The following GSE1 variants were observed in gnomAD, a reference collection of about 807,000 sequenced individuals.
The protein encoded by GSE1 is genetic suppressor element 1.
In GSE1, 32 loss-of-function variants were observed where a neutral mutation model predicts 112.6. The ratio of observed to expected loss-of-function variants is 0.28; its 90% CI spans 0.21 to 0.38. The LOEUF (loss-of-function observed/expected upper bound fraction) is 0.38. Ranked by LOEUF, GSE1 falls within the 10% of genes least tolerant of loss-of-function variation. The pLI is 1.00. For missense variants in GSE1, 2,348 were observed against 1,699.2 expected (o/e 1.38, Z -6.71); for synonymous variants, 1,115 against 735.6 (o/e 1.52, Z -8.35).
chr16:85,338,278 G>T (rs2046548140), intron 1 of GSE1, among the ~76,000 whole-genome samples: 1 of 152,238 alleles, frequency 6.6e-6, no homozygotes, highest in African/African-American at 2.4e-5. Context: ...ACCTCTGGGT[G>T]CATTCAGCTG....
intron 1 of GSE1, among the ~76,000 whole-genome samples, chr16:85,262,115 G>C (rs1464277283): frequency 6.6e-6 from 1 of 152,128 alleles, no homozygotes; most frequent in African/African-American, 2.4e-5. Context: ...CTCCCCGGCG[G>C]GTGCTTGGAA....
rs559273027 is a variant in GSE1 at position 85,600,561 on chromosome 16, A to AC, written c.37+44198_37+44199insC. On this transcript the variant is annotated intron_variant, in intron 1 of 2. Transcript: ENST00000635906. ...AAGATCATTTGGGAGCCTTGTTAAAAAACACACACACACACACACACCCCA... is the reference window on the plus strand; with the variant it reads ...AAGATCATTTGGGAGCCTTGTTAAAACAACACACACACACACACACACCCCA... Among the ~76,000 whole-genome samples the AC allele has an allele frequency of 3.5e-3, 522 of 149,354 alleles. 2 individuals are homozygous for AC. The highest frequency in any genetic ancestry group is 0.013 in the African/African-American group (489 of 39,008).
chr16:85,375,963 CG>C (rs1268595139), intron 2 of GSE1, among the ~76,000 whole-genome samples: 1 of 152,164 alleles, frequency 6.6e-6, no homozygotes, highest in African/African-American at 2.4e-5. Flanking sequence ...CCAGGTGTGC[CG>C]GGGGCCTGGC....
chr16:85,403,149 G>A (rs1436944101), intron 2 of GSE1, among the ~76,000 whole-genome samples: 1 of 152,120 alleles, frequency 6.6e-6, no homozygotes, highest in Non-Finnish European at 1.5e-5. Flanking sequence ...CTTGCCGGAT[G>A]CTGGCTGGAA....
At chr16:85,310,213 G>A (rs937600951) in intron 1 of GSE1, among the ~76,000 whole-genome samples, 1 of 152,200 alleles carries the variant, frequency 6.6e-6, no homozygotes, top group Non-Finnish European at 1.5e-5. Context: ...TGCCTGGGTG[G>A]CAGGAGAGGA....
chr16:85,444,245 A>G (rs570291962), intron 2 of GSE1, among the ~76,000 whole-genome samples: 1 of 152,242 alleles, frequency 6.6e-6, no homozygotes, highest in South Asian at 2.1e-4. Context: ...CGGCCTCCCA[A>G]AGTGCTGGGA....
At chr16:85,551,607 G>A (rs756912749), upstream of GSE1, among the ~76,000 whole-genome samples, 4 of 152,216 alleles carry the variant, frequency 2.6e-5, no homozygotes, top group Non-Finnish European at 5.9e-5. Context: ...CAGCTGTTTC[G>A]GCATCAGGTC....
intron 1 of GSE1, among the ~76,000 whole-genome samples, chr16:85,178,138 C>T (rs2074505937): frequency 6.6e-6 from 1 of 152,162 alleles, no homozygotes; most frequent in African/African-American, 2.4e-5. Flanking sequence ...GAGTTCTGTG[C>T]TGAGGTCAGG....
chr16:85,529,447 T>G (rs955258415), intron 2 of GSE1, among the ~76,000 whole-genome samples: 3 of 152,214 alleles, frequency 2.0e-5, no homozygotes, highest in Non-Finnish European at 4.4e-5. Context: ...ACAAAGAAAT[T>G]TCTTCCCCAC....
intron 2 of GSE1, among the ~76,000 whole-genome samples, chr16:85,363,304 CTGGGGCTGATTGCCCCTT>C (rs1241976995): frequency 6.6e-6 from 1 of 152,244 alleles, no homozygotes; most frequent in African/African-American, 2.4e-5. Flanking sequence ...GACAGGGGTG[CTGGGGCTGATTGCCCCTT>C]TGGGGCAGTC....
intron 1 of GSE1, among the ~76,000 whole-genome samples, chr16:85,576,742 T>C (rs7197311): frequency 1.3e-5 from 2 of 152,206 alleles, no homozygotes; most frequent in African/African-American, 4.8e-5. Flanking sequence ...AGTTGTGTCC[T>C]GGGGTTGCAA....
upstream of GSE1, among the ~76,000 whole-genome samples, chr16:85,553,266 A>T (rs975223095): frequency 6.8e-6 from 1 of 147,856 alleles, no homozygotes; most frequent in Non-Finnish European, 1.5e-5. Context: ...CAGGTGCCGG[A>T]CCCCGACCCC....
chr16:85,668,157 T>C lies in GSE1; in HGVS notation c.3148T>C (p.Ser1050Pro). 6.3e-7 allele frequency: 1 copy of C among 1,591,544 alleles called. No homozygotes were observed. The highest frequency in any genetic ancestry group is 8.6e-7 in the Non-Finnish European group (1 of 1,166,294). The change falls in exon 14 of 16, where the codon TCT (serine) becomes CCT (proline). Residue 1050 changes from serine to proline, a missense_variant. Physicochemically the swap from Ser to Pro is moderately conservative, Grantham distance 74. Transcript: ENST00000253458. Reference protein sequence around the residue: ...QKHKGSVAVLSAEQNHKVDTS... With the variant: ...QKHKGSVAVLPAEQNHKVDTS... ...CTCCACAGGGAGCGTGGCTGTGCTG[T>C]CTGCAGAGCAGAACCACAAGGTTGA...
intron 1 of GSE1, among the ~76,000 whole-genome samples, chr16:85,324,817 G>C (rs1472564718): frequency 6.6e-6 from 1 of 152,114 alleles, no homozygotes; most frequent in African/African-American, 2.4e-5. Flanking sequence ...GGGAAAGGGG[G>C]ATAAATCTGA....
chr16:85,607,488 G>C (rs1025483790), upstream of GSE1, among the ~76,000 whole-genome samples: 1 of 152,222 alleles, frequency 6.6e-6, no homozygotes, highest in Non-Finnish European at 1.5e-5. Flanking sequence ...AAGGAGTGCA[G>C]CTGTGTGCGG....
At chr16:85,501,424 A>C (rs1270352885) in intron 2 of GSE1, among the ~76,000 whole-genome samples, 7 of 122,768 alleles carry the variant, frequency 5.7e-5, no homozygotes, top group African/African-American at 1.3e-4. Context: ...ATGGAGTCTT[A>C]CTGTGTTGCC....
At chr16:85,644,015 A>G (rs1598534052) in intron 2 of GSE1, among the ~76,000 whole-genome samples, 1 of 152,158 alleles carries the variant, frequency 6.6e-6, no homozygotes, top group African/African-American at 2.4e-5. Context: ...GGCCGGGTGC[A>G]CAGGAGGGCT....
intron 3 of GSE1, among the ~76,000 whole-genome samples, chr16:85,652,186 C>G (rs896900366): frequency 1.3e-5 from 2 of 152,246 alleles, no homozygotes; most frequent in Admixed American, 6.5e-5. Flanking sequence ...CCGTTCATAG[C>G]CGTGCCATCA....
In GSE1 at chr16:85,476,291, G is replaced by A. The variant is rs537877047; in HGVS notation, c.2464+118648G>A. ...TGGGCTCCCGGAGACCTGGGATGGC[G>A]CTCAGTGGAATCGGGTGGGAGTTCC... is the stretch of plus-strand genomic sequence containing the variant. On this transcript the variant is annotated intron_variant, in intron 2 of 2. Transcript: ENST00000637419. Among the ~76,000 whole-genome samples, 110 of 152,314 alleles carry A rather than the reference G, an allele frequency of 7.2e-4. 1 individual carries two copies. In the South Asian group the frequency reaches 7.9e-3, roughly 11 times the overall value.
Sources: allele counts gnomAD v4.1 joint callset (sites outside exome capture counted in the v4.1 genomes callset), GRCh38; gene constraint gnomAD v4.1.1; transcripts MANE v1.5; gene names NCBI Gene and HGNC (gene_info 2026-07-23, HGNC 2026-07-21).